LRP1B: variants seen among roughly 807,000 people sequenced by gnomAD.
The protein encoded by LRP1B is low-density lipoprotein receptor-related protein 1B.
LRP1B carries 217 observed loss-of-function variants against 556.6 expected under a neutral mutation model. The ratio of observed to expected loss-of-function variants is 0.39; its 90% CI spans 0.35 to 0.44. LRP1B has a LOEUF of 0.44. Among genes scored for constraint, LRP1B ranks in the 20% least tolerant of loss-of-function variants. LRP1B has a pLI of 1.00. For synonymous variants in LRP1B, 2,047 were observed against 1,865.8 expected (o/e 1.10, Z -2.50); for missense variants, 5,053 against 5,620.8 (o/e 0.90, Z 3.23).
chr2:140,431,141 G>A (rs1189153590), intron 66 of LRP1B, among the ~76,000 whole-genome samples: 2 of 152,052 alleles, frequency 1.3e-5, no homozygotes, highest in Admixed American at 1.3e-4. Flanking sequence ...CATTTTTTCA[G>A]GCTTTTAGTA....
At chr2:140,811,120 G>A (rs890547438) in intron 32 of LRP1B, among the ~76,000 whole-genome samples, 2 of 152,004 alleles carry the variant, frequency 1.3e-5, no homozygotes, top group African/African-American at 2.4e-5. Flanking sequence ...GCAAAAAGGG[G>A]TATACTTACA....
intron 35 of LRP1B, among the ~76,000 whole-genome samples, chr2:140,757,067 A>T (rs1228599620): frequency 6.6e-6 from 1 of 152,236 alleles, no homozygotes; most frequent in East Asian, 1.9e-4. Flanking sequence ...AAAGATACTC[A>T]ACATCTTTAG....
chr2:141,704,414 A>T (rs1692064018), intron 2 of LRP1B, among the ~76,000 whole-genome samples: 1 of 151,968 alleles, frequency 6.6e-6, no homozygotes, highest in East Asian at 1.9e-4. Flanking sequence ...AGAAGTACGT[A>T]CACTTTTATT....
chr2:142,129,589 TCTCTCTC>T (rs1707777529), intron 1 of LRP1B, among the ~76,000 whole-genome samples: 1 of 2,374 alleles, frequency 4.2e-4, no homozygotes, highest in Non-Finnish European at 1.3e-3. Context: ...TCTCTTTCTC[TCTCTCTC>T]TCTCTCTCTC....
At chr2:141,994,969 C>T (rs919743635) in intron 1 of LRP1B, among the ~76,000 whole-genome samples, 3 of 152,030 alleles carry the variant, frequency 2.0e-5, no homozygotes, top group African/African-American at 7.3e-5. Flanking sequence ...CTGAGGCAAC[C>T]CCTTGTGTCA....
intron 32 of LRP1B, among the ~76,000 whole-genome samples, chr2:140,811,171 C>T (rs547878865): frequency 2.2e-4 from 33 of 152,218 alleles, no homozygotes; most frequent in Non-Finnish European, 3.2e-4. Flanking sequence ...TTCTGCAAGG[C>T]GGGGTTCCTC....
chr2:140,558,809 G>A (rs541794814), intron 43 of LRP1B, among the ~76,000 whole-genome samples: 6 of 151,960 alleles, frequency 3.9e-5, no homozygotes, highest in Non-Finnish European at 7.4e-5. Context: ...GGTGCCATGT[G>A]CCTGTAGTTC....
At chr2:140,721,304 A>G (rs924024984) in intron 35 of LRP1B, among the ~76,000 whole-genome samples, 1 of 152,116 alleles carries the variant, frequency 6.6e-6, no homozygotes. Context: ...TTTTCCCAGA[A>G]CATGCTACTC....
chr2:141,357,542 A>G lies in LRP1B; in HGVS notation c.344-102901T>C, dbSNP rs546554658. Among the ~76,000 whole-genome samples, 3 of 152,366 alleles carry G rather than the reference A, an allele frequency of 2.0e-5. No homozygotes were observed. The South Asian group carries it at 6.2e-4, about 32-fold the overall frequency. On this transcript the variant is annotated intron_variant, in intron 3 of 90. Transcript: ENST00000389484. ...CTGAAAACGCGCTGAATTTATAATT[A>G]TGATATCAAGAAATAATAATCTAAT...
chr2:141,557,139 T>G (rs1025129594), intron 2 of LRP1B, among the ~76,000 whole-genome samples: 1 of 151,818 alleles, frequency 6.6e-6, no homozygotes, highest in Non-Finnish European at 1.5e-5. Flanking sequence ...TACTGATTCC[T>G]GTACAGTAGA....
At chr2:141,667,551 C>T (rs546844360) in intron 2 of LRP1B, among the ~76,000 whole-genome samples, 2 of 152,270 alleles carry the variant, frequency 1.3e-5, no homozygotes, top group Non-Finnish European at 2.9e-5. Flanking sequence ...TTTTGAAAAA[C>T]ATTGCTTGTG....
intron 5 of LRP1B, among the ~76,000 whole-genome samples, chr2:141,243,301 A>G (rs1204870340): frequency 6.6e-6 from 1 of 151,910 alleles, no homozygotes; most frequent in Admixed American, 6.6e-5. Flanking sequence ...TGGGCAACAG[A>G]GAGAGATCCT....
intron 60 of LRP1B, among the ~76,000 whole-genome samples, chr2:140,471,425 A>T (rs1456431225): frequency 1.3e-5 from 2 of 152,180 alleles, no homozygotes; most frequent in East Asian, 3.8e-4. Context: ...AATTCTTTTT[A>T]AAAATGTACA....
intron 7 of LRP1B, among the ~76,000 whole-genome samples, chr2:141,128,846 C>T (rs1324005294): frequency 1.3e-5 from 2 of 152,038 alleles, no homozygotes; most frequent in Non-Finnish European, 2.9e-5. Flanking sequence ...AAAATGTATT[C>T]CTATTAATAT....
intron 35 of LRP1B, among the ~76,000 whole-genome samples, chr2:140,751,583 A>C (rs554661521): frequency 6.6e-5 from 10 of 152,096 alleles, no homozygotes; most frequent in Non-Finnish European, 1.3e-4. Flanking sequence ...TTAATACTTT[A>C]TTTTTCCCAC....
intron 1 of LRP1B, among the ~76,000 whole-genome samples, chr2:141,940,409 G>T (rs900957243): frequency 5.3e-5 from 8 of 152,082 alleles, no homozygotes. Flanking sequence ...CTACTAAGCG[G>T]GGGAAGAAAT....
At chr2:140,791,957 T>A (rs1690136490) in intron 32 of LRP1B, among the ~76,000 whole-genome samples, 1 of 152,178 alleles carries the variant, frequency 6.6e-6, no homozygotes. Context: ...TTTCTGAAGG[T>A]GATATAAATT....
At chr2:142,128,716 G>A (rs1167730262) in intron 1 of LRP1B, among the ~76,000 whole-genome samples, 3 of 152,086 alleles carry the variant, frequency 2.0e-5, no homozygotes, top group Admixed American at 6.5e-5. Context: ...TCATGTGGAC[G>A]TGGTGATACA....
Position 140,908,592 on chromosome 2 carries a change from A to C in LRP1B, c.3320-515T>G, listed in dbSNP as rs781189034. Among the ~76,000 whole-genome samples, 56 of 151,960 alleles carry C rather than the reference A, an allele frequency of 3.7e-4. 1 individual carries two copies. Among genetic ancestry groups the C allele is most frequent in the South Asian group, 1.5e-3 (7 of 4,822 alleles). On this transcript the variant is annotated intron_variant, in intron 21 of 90. Transcript: ENST00000389484. ...CCTTCTATTTACATTTATAACATCA[A>C]CACCCCAACTCCCCACTCCAGACAT... is the stretch of plus-strand genomic sequence containing the variant.
Sources: allele counts gnomAD v4.1 joint callset (sites outside exome capture counted in the v4.1 genomes callset), GRCh38; gene constraint gnomAD v4.1.1; transcripts MANE v1.5; gene names NCBI Gene and HGNC (gene_info 2026-07-23, HGNC 2026-07-21).